The following MAP4K4 variants were observed in gnomAD, a reference collection of about 807,000 sequenced individuals.
MAP4K4 encodes HPK/GCK-like kinase HGK.
In MAP4K4, 38 loss-of-function variants were observed where a neutral mutation model predicts 189.6. The ratio of observed to expected loss-of-function variants is 0.20; its 90% CI spans 0.15 to 0.26. MAP4K4 has a LOEUF of 0.26. Among genes scored for constraint, MAP4K4 ranks in the 10% least tolerant of loss-of-function variants. MAP4K4 has a pLI of 1.00. For missense variants in MAP4K4, 1,054 were observed against 1,726.9 expected (o/e 0.61, Z 6.91); for synonymous variants, 610 against 624.3 (o/e 0.98, Z 0.34).
intron 25 of MAP4K4, 84 bp from the exon 26 acceptor site, chr2:101,873,998 T>C: frequency 8.4e-7 from 1 of 1,188,338 alleles, no homozygotes; most frequent in South Asian, 1.5e-5. Flanking sequence ...ACCACATGAA[T>C]ATTTACTTGA....
chr2:101,874,894 G>T (rs1049133187), intron 26 of MAP4K4, among the ~76,000 whole-genome samples: 4 of 152,190 alleles, frequency 2.6e-5, no homozygotes, highest in African/African-American at 9.7e-5. Flanking sequence ...AGAGTCTTCA[G>T]CTTTATCTTG....
chr2:101,821,386 C>T (rs528112314), intron 3 of MAP4K4, among the ~76,000 whole-genome samples: 226 of 152,152 alleles, frequency 1.5e-3, no homozygotes, highest in Non-Finnish European at 2.5e-3. Context: ...TTTATGTAAA[C>T]CTAGATGGTA....
chr2:101,882,505 C>T, intron 27 of MAP4K4, 46 bp from the exon 28 acceptor site: 1 of 1,430,752 alleles, frequency 7.0e-7, no homozygotes, highest in Non-Finnish European at 9.4e-7. Context: ...AATGATGAGA[C>T]CTACTTCTGG....
Position 101,882,853 on chromosome 2 carries a change from GA to G in MAP4K4, c.3520+170del, listed in dbSNP as rs199894523. ...TGTTTCCAAGGCACATTCTAATCTTGAAGTCTCATCTAGACATTGTCTTACT... is the reference window on the plus strand; with the variant it reads ...TGTTTCCAAGGCACATTCTAATCTTGAGTCTCATCTAGACATTGTCTTACT... On this transcript the variant is annotated intron_variant, in intron 28 of 32. Transcript: ENST00000324219. Among the ~76,000 whole-genome samples the G allele has an allele frequency of 4.7e-3, 722 of 152,220 alleles. 9 individuals are homozygous for G. Among genetic ancestry groups the G allele is most frequent in the African/African-American group, 0.016 (650 of 41,518 alleles).
chr2:101,705,324 A>C (rs1352522340), intron 2 of MAP4K4, among the ~76,000 whole-genome samples: 2 of 152,184 alleles, frequency 1.3e-5, no homozygotes, highest in Non-Finnish European at 2.9e-5. Context: ...AGGGGGATGG[A>C]CACAAAATGC....
intron 2 of MAP4K4, among the ~76,000 whole-genome samples, chr2:101,698,761 GC>G (rs2036221327): frequency 6.6e-6 from 1 of 152,178 alleles, no homozygotes; most frequent in African/African-American, 2.4e-5. Context: ...AAGGAAATAA[GC>G]TACACTCTTA....
rs1318557256 is a variant in MAP4K4 at position 101,743,657 on chromosome 2, C to CT, written c.123+45122dup. Among the ~76,000 whole-genome samples, 6 of 152,058 alleles carry CT rather than the reference C, an allele frequency of 3.9e-5. No individual in the cohort carries two copies. In the South Asian group the frequency reaches 1.2e-3, roughly 32 times the overall value. On this transcript the variant is annotated intron_variant, in intron 2 of 32. Coordinates refer to ENST00000324219, the Ensembl canonical transcript of MAP4K4. ...AAACCACTCCCAGGAGCAGATAACACTTTCTTTTTTTCTTTTTTGAGATGG... is the reference window on the plus strand; with the variant it reads ...AAACCACTCCCAGGAGCAGATAACACTTTTCTTTTTTTCTTTTTTGAGATGG...
At chr2:101,714,173 A>G (rs1304710393) in intron 2 of MAP4K4, among the ~76,000 whole-genome samples, 2 of 152,208 alleles carry the variant, frequency 1.3e-5, no homozygotes, top group Non-Finnish European at 2.9e-5. Flanking sequence ...GGTTTAGTTT[A>G]ATAGTTGTTA....
chr2:101,864,803 G>T (rs1329597232), intron 17 of MAP4K4, 127 bp from the exon 18 acceptor site: 2 of 641,410 alleles, frequency 3.1e-6, no homozygotes, highest in Non-Finnish European at 5.6e-6. Flanking sequence ...TTGGGGTGGG[G>T]AGTGGAGGTG....
intron 12 of MAP4K4, among the ~76,000 whole-genome samples, chr2:101,847,872 C>T (rs1334128006): frequency 6.6e-6 from 1 of 152,224 alleles, no homozygotes; most frequent in Non-Finnish European, 1.5e-5. Flanking sequence ...GAGCAACCTC[C>T]AGCCCCTCAA....
At chr2:101,874,539 A>G (rs2098141471) in intron 26 of MAP4K4, among the ~76,000 whole-genome samples, 1 of 152,194 alleles carries the variant, frequency 6.6e-6, no homozygotes, top group African/African-American at 2.4e-5. Context: ...ATAGTGGTGA[A>G]GTCTGGGTTT....
chr2:101,818,835 CA>C (rs1403875595), intron 3 of MAP4K4, among the ~76,000 whole-genome samples: 2 of 152,154 alleles, frequency 1.3e-5, no homozygotes, highest in African/African-American at 4.8e-5. Context: ...GGTTAAAGTC[CA>C]AAATGCTAAT....
exon 3 of MAP4K4, chr2:101,790,767 T>C (rs781234157): frequency 6.2e-7 from 1 of 1,609,806 alleles, no homozygotes; most frequent in East Asian, 2.2e-5. Context: ...AAGTTATGGA[T>C]GTCACTGAGG....
intron 3 of MAP4K4, among the ~76,000 whole-genome samples, chr2:101,798,703 A>G (rs2094060216): frequency 6.6e-6 from 1 of 152,222 alleles, no homozygotes; most frequent in African/African-American, 2.4e-5. Flanking sequence ...TAGACACTCA[A>G]ATATTTGATG....
At chr2:101,852,593 G>T (rs1215958308) in intron 12 of MAP4K4, among the ~76,000 whole-genome samples, 1 of 152,114 alleles carries the variant, frequency 6.6e-6, no homozygotes, top group Non-Finnish European at 1.5e-5. Context: ...AGCGTATCCT[G>T]TTTGTAAGAT....
At chr2:101,857,633 A>G (rs939650184) in intron 13 of MAP4K4, among the ~76,000 whole-genome samples, 2 of 152,210 alleles carry the variant, frequency 1.3e-5, no homozygotes, top group African/African-American at 4.8e-5. Flanking sequence ...GGAGGGTCAG[A>G]CATAGACACA....
intron 3 of MAP4K4, among the ~76,000 whole-genome samples, chr2:101,821,611 T>G (rs1436896226): frequency 6.6e-6 from 1 of 152,210 alleles, no homozygotes; most frequent in Non-Finnish European, 1.5e-5. Flanking sequence ...TGGAGGTTGC[T>G]CTGGGTGAAT....
chr2:101,871,438 C>G, intron 23 of MAP4K4, 56 bp from the exon 24 acceptor site: 1 of 1,393,812 alleles, frequency 7.2e-7, no homozygotes. Flanking sequence ...ATCAATAGGG[C>G]CATAGGCAAT....
At chr2:101,815,698 G>A (rs1179979634) in intron 3 of MAP4K4, among the ~76,000 whole-genome samples, 2 of 152,108 alleles carry the variant, frequency 1.3e-5, no homozygotes, top group African/African-American at 4.8e-5. Flanking sequence ...TAGATCCTTC[G>A]AAGATTTGAT....
Sources: gnomAD v4.1 joint callset for allele counts (sites outside exome capture counted in the v4.1 genomes callset) on GRCh38, gnomAD v4.1.1 for gene constraint, MANE v1.5 for transcripts, NCBI Gene and HGNC (gene_info 2026-07-23, HGNC 2026-07-21) for gene names.